The following NPAT variants were observed in gnomAD, a reference collection of about 807,000 sequenced individuals.
The protein encoded by NPAT is nuclear protein, coactivator of histone transcription.
NPAT carries 52 observed loss-of-function variants against 130.7 expected under a neutral mutation model. That is an observed-to-expected ratio of 0.40 (90% CI 0.32 to 0.50). NPAT has a LOEUF of 0.50. Among genes scored for constraint, NPAT ranks in the 20% least tolerant of loss-of-function variants. The probability of loss-of-function intolerance (pLI) is 0.68; values close to 1 mark genes in which losing one functional copy is unlikely to be tolerated. For missense variants in NPAT, 1,687 were observed against 1,662.6 expected (o/e 1.01, Z -0.26); for synonymous variants, 580 against 584.8 (o/e 0.99, Z 0.12).
At chr11:108,198,517 A>G (rs1011599074) in intron 1 of NPAT, among the ~76,000 whole-genome samples, 3 of 151,478 alleles carry the variant, frequency 2.0e-5, no homozygotes, top group African/African-American at 7.3e-5. Context: ...GCAGACGGGT[A>G]GGGTACCCGG....
intron 7 of NPAT, 25 bp downstream of exon 7, chr11:108,188,073 C>T: frequency 6.8e-7 from 1 of 1,460,628 alleles, no homozygotes; most frequent in Non-Finnish European, 9.6e-7. Flanking sequence ...ATACGGGTAA[C>T]TTGTCTCTTT....
chr11:108,192,053 G>C (rs1381286282), intron 4 of NPAT, 65 bp downstream of exon 4: 1 of 1,082,086 alleles, frequency 9.2e-7, no homozygotes, highest in Non-Finnish European at 1.4e-6. Context: ...TAGGTCTTAA[G>C]AAGATTTAAA....
intron 10 of NPAT, 118 bp from the exon 11 acceptor site, chr11:108,177,208 G>A: frequency 2.3e-6 from 1 of 441,664 alleles, no homozygotes; most frequent in Non-Finnish European, 3.9e-6. Flanking sequence ...TAGTGGTACA[G>A]TGGTAGAGTC....
chr11:108,180,804 TG>T (rs1298343062), intron 10 of NPAT, among the ~76,000 whole-genome samples: 7 of 152,222 alleles, frequency 4.6e-5, no homozygotes, highest in Non-Finnish European at 1.0e-4. Flanking sequence ...AAATGTCCAT[TG>T]ATACATGAAT....
intron 1 of NPAT, among the ~76,000 whole-genome samples, chr11:108,211,320 T>C (rs890929702): frequency 1.6e-4 from 24 of 151,898 alleles, no homozygotes; most frequent in Admixed American, 1.3e-4. Flanking sequence ...GGCAGGAGGA[T>C]TGCTTGAGCT....
At position 108,176,282 on chromosome 11, in the gene NPAT, G is replaced by C; in HGVS notation, c.1096C>G (p.Leu366Val). Reference sequence around the variant, plus strand: ...GTTTCAAAAGAACCTTTAACTGCTAGATTAGTTTCATCTGCTAAGACTATA... The same window carrying C: ...GTTTCAAAAGAACCTTTAACTGCTACATTAGTTTCATCTGCTAAGACTATA... ...PSIVLADETNLAVKGSFETEE... is the reference protein window; with the variant it reads ...PSIVLADETNVAVKGSFETEE... The change falls in exon 12 of 18, where the codon CTA becomes GTA. Residue 366 changes from leucine (L) to valine (V), a missense_variant. Leu to Val is a conservative substitution (Grantham distance 32). This residue lies in a region of NPAT where 1,379 missense variants were observed against 1,346.6 expected (regional missense o/e 1.02). Transcript: ENST00000278612. 6 of 1,585,452 alleles carry C rather than the reference G, an allele frequency of 3.8e-6. No homozygotes were observed. Among genetic ancestry groups the C allele is most frequent in the Non-Finnish European group, 5.2e-6 (6 of 1,154,296 alleles).
rs1425214551 is a variant in NPAT at position 108,158,252 on chromosome 11, A to G, written c.*690T>C. The G allele has an allele frequency of 6.6e-6, 1 of 152,544 alleles. No homozygotes were observed. The highest frequency in any genetic ancestry group is 1.5e-5 in the Non-Finnish European group (1 of 67,950). The allele number at this position is 152,544 out of a possible 1,614,324, so 9.4% of individuals were successfully genotyped here. A position where few individuals can be genotyped will look rare whatever the true frequency, so the allele number is the denominator to read the frequency against. ...TGTAAAAAATCTTAAGTTATAAATG[A>G]AAGATCAGAACATTCAATAAATGGT... On this transcript the variant is annotated 3_prime_UTR_variant, in exon 18 of 18. Transcript: ENST00000278612.
chr11:108,168,126 AT>A (rs1331855757), intron 15 of NPAT, among the ~76,000 whole-genome samples: 1 of 152,108 alleles, frequency 6.6e-6, no homozygotes, highest in African/African-American at 2.4e-5. Flanking sequence ...TTTCTTCTCT[AT>A]GACTCAGAAA....
chr11:108,165,778 C>A (rs1412197636), intron 15 of NPAT, among the ~76,000 whole-genome samples: 1 of 151,904 alleles, frequency 6.6e-6, no homozygotes, highest in African/African-American at 2.4e-5. Context: ...GGACTACAGG[C>A]ACCCACCACC....
intron 15 of NPAT, among the ~76,000 whole-genome samples, chr11:108,167,555 GTA>G (rs1555039666): frequency 6.6e-6 from 1 of 152,140 alleles, no homozygotes; most frequent in Non-Finnish European, 1.5e-5. Flanking sequence ...ATGTATGGAT[GTA>G]TGGGACCTTG....
rs373725395 is a variant in NPAT at position 108,160,873 on chromosome 11, A to G, written c.4206+7T>C. 5 of 1,609,400 alleles carry G rather than the reference A, an allele frequency of 3.1e-6. No individual in the cohort carries two copies. The African/African-American group carries it at 5.3e-5, about 17-fold the overall frequency. Reference sequence around the variant, plus strand: ...TGTGGTTTTGAAATTAAAACTTTCAAACTTGCCTTAATTTTCTTCTTTTTC... The same window carrying G: ...TGTGGTTTTGAAATTAAAACTTTCAGACTTGCCTTAATTTTCTTCTTTTTC... On this transcript the variant is annotated splice_region_variant and intron_variant, in intron 17 of 17. Transcript: ENST00000278612.
chr11:108,164,938 G>A (rs1017305247), intron 15 of NPAT, among the ~76,000 whole-genome samples: 7 of 152,200 alleles, frequency 4.6e-5, no homozygotes, highest in African/African-American at 1.7e-4. Flanking sequence ...TTGAACCCAG[G>A]AGGTGGAGGT....
At chr11:108,180,914 A>C (rs1319648044) in intron 10 of NPAT, among the ~76,000 whole-genome samples, 1 of 152,222 alleles carries the variant, frequency 6.6e-6, no homozygotes, top group Non-Finnish European at 1.5e-5. Flanking sequence ...AGGATATTAT[A>C]CCAAGTGAAA....
intron 1 of NPAT, among the ~76,000 whole-genome samples, chr11:108,199,015 G>A (rs761829440): frequency 2.0e-5 from 3 of 152,180 alleles, no homozygotes; most frequent in Non-Finnish European, 2.9e-5. Context: ...AGTGGGGCTG[G>A]GCCAGCCCAG....
chr11:108,198,843 C>T (rs2078248636), intron 1 of NPAT, among the ~76,000 whole-genome samples: 1 of 152,176 alleles, frequency 6.6e-6, no homozygotes, highest in Non-Finnish European at 1.5e-5. Flanking sequence ...CAAGAAAACC[C>T]TCTTCCACCT....
intron 1 of NPAT, among the ~76,000 whole-genome samples, chr11:108,199,281 A>C (rs755135759): frequency 4.6e-5 from 7 of 152,202 alleles, no homozygotes; most frequent in Non-Finnish European, 8.8e-5. Flanking sequence ...GGTGGAAGAC[A>C]ATCATGGCAC....
intron 1 of NPAT, among the ~76,000 whole-genome samples, chr11:108,211,090 G>T (rs1319571656): frequency 6.6e-6 from 1 of 152,064 alleles, no homozygotes; most frequent in African/African-American, 2.4e-5. Flanking sequence ...CTGGTGGTGT[G>T]TGCCTGTAAT....
intron 1 of NPAT, among the ~76,000 whole-genome samples, chr11:108,211,208 C>T (rs1395276142): frequency 6.6e-6 from 1 of 151,118 alleles, no homozygotes; most frequent in Non-Finnish European, 1.5e-5. Context: ...GAGTGAGACA[C>T]CGTCTAAAAA....
chr11:108,163,638 G>T (rs1406527836), intron 15 of NPAT, among the ~76,000 whole-genome samples: 3 of 152,204 alleles, frequency 2.0e-5, no homozygotes, highest in Admixed American at 2.0e-4. Context: ...CTTTGAGGAA[G>T]AGAGGTGAGA....
Sources: gnomAD v4.1 joint callset for allele counts (sites outside exome capture counted in the v4.1 genomes callset) on GRCh38, gnomAD v4.1.1 for gene constraint, gnomAD v4.1.1 regional missense constraint, MANE v1.5 for transcripts, NCBI Gene and HGNC (gene_info 2026-07-23, HGNC 2026-07-21) for gene names.